The following ATP8B3 variants were observed in gnomAD, a reference collection of about 807,000 sequenced individuals.
ATP8B3 encodes the protein ATPase phospholipid transporting 8B3, also known as phospholipid-transporting ATPase IK.
Under a neutral mutation model 140.9 loss-of-function variants are expected in ATP8B3, and 141 were observed. The ratio of observed to expected loss-of-function variants is 1.00; its 90% CI spans 0.87 to 1.15. ATP8B3 has a LOEUF of 1.15. ATP8B3 is among the 50% of genes most tolerant of loss of function. The pLI is 0.00. For synonymous variants in ATP8B3, 765 were observed against 714.6 expected (o/e 1.07, Z -1.13); for missense variants, 1,874 against 1,740.6 (o/e 1.08, Z -1.36).
At chr19:1,790,631 C>G in intron 21 of ATP8B3, 126 bp downstream of exon 21, 1 of 669,596 alleles carries the variant, frequency 1.5e-6, no homozygotes, top group South Asian at 1.9e-5. Flanking sequence ...CTACCCTTCC[C>G]TCCCCTCTCA....
At chr19:1,811,275 G>T (rs147679863) in intron 2 of ATP8B3, among the ~76,000 whole-genome samples, 28 of 152,246 alleles carry the variant, frequency 1.8e-4, no homozygotes, top group Non-Finnish European at 2.9e-5. Flanking sequence ...GACGGACATC[G>T]TCAGAAGATC....
rs769539873 is a variant in ATP8B3 at position 1,789,491 on chromosome 19, C to T, written c.2715G>A (p.Lys905=). The T allele has an allele frequency of 2.1e-5, 33 of 1,598,110 alleles. No homozygotes were observed. The highest frequency in any genetic ancestry group is 2.7e-5 in the Non-Finnish European group (32 of 1,179,230). ...CGCGGCAGCAGATGACCGCCTGGCA[C>T]TTGGACGCCAGGTCCACGAAGGCGC... The part of the protein sequence containing the change: ...QERAFVDLAS[K]CQAVICCRVT... Residue 905 remains lysine (K), a synonymous_variant, in exon 23 of 29, where the codon AAG becomes AAA. Transcript: ENST00000310127.
chr19:1,810,679 T>C lies in ATP8B3; in HGVS notation c.253A>G (p.Thr85Ala), dbSNP rs749496100. The change falls in exon 3 of 29, where the codon ACC becomes GCC. Residue 85 changes from threonine to alanine, a missense_variant. By Grantham distance (58) the Thr-to-Ala change is moderately conservative. Transcript: ENST00000310127. ...CTCTGGCCGAGGCTGCCCATGCTGG[T>C]GGGGCTGTGGGAGAGAAGGGCCCCG... is the stretch of plus-strand genomic sequence containing the variant. ...RKYEWRPEGPTSMGSLGQRED... is the reference protein window; with the variant it reads ...RKYEWRPEGPASMGSLGQRED... 6.2e-7 allele frequency: 1 copy of C among 1,612,100 alleles called. No homozygotes were observed. The highest frequency in any genetic ancestry group is 8.5e-7 in the Non-Finnish European group (1 of 1,179,430).
At position 1,805,776 on chromosome 19, in the gene ATP8B3, CA is replaced by C. The variant is rs2068992824; in HGVS notation, c.821+111del. 1 of 1,358,178 alleles carries C rather than the reference CA, an allele frequency of 7.4e-7. No homozygotes were observed. The highest frequency in any genetic ancestry group is 1.4e-5 in the African/African-American group (1 of 69,324). 84.1% of individuals were successfully genotyped at this position (1,358,178 alleles called of 1,614,324 possible). Reference sequence around the variant, plus strand: ...CCCAGACACTCATGGGGTGAGTGACCAAAGTCTCTGAGCGACCTTGGCTGGC... The same window carrying C: ...CCCAGACACTCATGGGGTGAGTGACCAAGTCTCTGAGCGACCTTGGCTGGC... On this transcript the variant is annotated intron_variant, in intron 9 of 28. Coordinates refer to ENST00000310127, the MANE Select transcript of ATP8B3 (RefSeq NM_138813.4). The surrounding 1 kb of genome is among the most constrained non-coding windows in gnomAD (Gnocchi z 5.2).
chr19:1,801,414 G>A (rs1163298445), intron 12 of ATP8B3, among the ~76,000 whole-genome samples: 2 of 152,124 alleles, frequency 1.3e-5, no homozygotes, highest in Non-Finnish European at 2.9e-5. Context: ...GCCCCAGAAC[G>A]TGCTGGGATT....
At chr19:1,803,726 G>A (rs771415152) in intron 10 of ATP8B3, among the ~76,000 whole-genome samples, 22 of 151,978 alleles carry the variant, frequency 1.4e-4, no homozygotes, top group Admixed American at 3.3e-4. Flanking sequence ...GTGAAACCCC[G>A]TCTCTACTGA....
In ATP8B3 at chr19:1,800,267, C is replaced by A. The variant is rs932168330; in HGVS notation, c.1335G>T (p.Met445Ile). The change falls in exon 13 of 29, where the codon ATG (methionine) becomes ATT (isoleucine). Residue 445 changes from methionine (M) to isoleucine (I), a missense_variant. Met to Ile is a conservative substitution (Grantham distance 10). Coordinates refer to ENST00000310127, the MANE Select transcript of ATP8B3 (RefSeq NM_138813.4). This position sits in a 1 kb window ranked among gnomAD's most constrained non-coding sequence, Gnocchi z 4.4. ...AGCCGGCGGAGACTCACAGGATGAA[C>A]ATGGACATCGGGATGGTGACGCTGA... is the stretch of plus-strand genomic sequence containing the variant. ...ILLSVTIPMS[M>I]FILSEFIYLG... 6.2e-7 allele frequency: 1 copy of A among 1,611,572 alleles called. No individual in the cohort carries two copies. The highest frequency in any genetic ancestry group is 1.1e-5 in the South Asian group (1 of 91,074).
chr19:1,809,644 T>C lies in ATP8B3; in HGVS notation c.401A>G (p.Lys134Arg). Reference protein sequence around the residue: ...VILCWQRKKYKTNVIRTAKYN... With the variant: ...VILCWQRKKYRTNVIRTAKYN... ...GGAGGCGCGGGAGGGGCCGCCCACC[T>C]TGTATTTCTTCCTTTGCCAGCACAG... The change falls in exon 4 of 29, where the codon AAG (lysine) becomes AGG (arginine). Residue 134 changes from lysine to arginine, a missense_variant and splice_region_variant. Physicochemically the swap from Lys to Arg is conservative, Grantham distance 26. Transcript: ENST00000310127. 6.2e-7 allele frequency: 1 copy of C among 1,606,302 alleles called. No individual in the cohort carries two copies. The highest frequency in any genetic ancestry group is 8.5e-7 in the Non-Finnish European group (1 of 1,176,758).
chr19:1,791,789 T>C lies in ATP8B3; in HGVS notation c.2263A>G (p.Ser755Gly), dbSNP rs767440629. 3 of 1,611,934 alleles carry C rather than the reference T, an allele frequency of 1.9e-6. No homozygotes were observed. The highest frequency in any genetic ancestry group is 2.5e-6 in the Non-Finnish European group (3 of 1,179,802). The change falls in exon 20 of 29, where the codon AGC (serine) becomes GGC (glycine). Residue 755 changes from serine (S) to glycine (G), a missense_variant. By Grantham distance (56) the Ser-to-Gly change is moderately conservative (BLOSUM62 0). Transcript: ENST00000310127. ...GTGAGCACCCATATTTTGATGTTGCTCTTCTTGAGACATTTGATGGTTTCA... is the reference window on the plus strand; with the variant it reads ...GTGAGCACCCATATTTTGATGTTGCCCTTCTTGAGACATTTGATGGTTTCA... ...VPETIKCLKK[S>G]NIKIWVLTGD...
At position 1,800,860 on chromosome 19, in the gene ATP8B3, G is replaced by C. The variant is rs1370078879; in HGVS notation, c.1153-411C>G. On this transcript the variant is annotated intron_variant, in intron 12 of 28. Transcript: ENST00000310127. The surrounding 1 kb of genome is among the most constrained non-coding windows in gnomAD (Gnocchi z 4.4). Reference sequence around the variant, plus strand: ...TTTTTTTTTTTTGAGACAGAGTCTCGCTCTCTCTCCCAGGCTGGAGTGCAG... The same window carrying C: ...TTTTTTTTTTTTGAGACAGAGTCTCCCTCTCTCTCCCAGGCTGGAGTGCAG... Among the ~76,000 whole-genome samples, 1 of 144,892 alleles carries C rather than the reference G, an allele frequency of 6.9e-6. No individual in the cohort carries two copies. The highest frequency in any genetic ancestry group is 1.5e-5 in the Non-Finnish European group (1 of 66,726).
In ATP8B3 at chr19:1,796,101, T is replaced by C. The variant is rs766425205; in HGVS notation, c.1918A>G (p.Thr640Ala). 1.2e-6 allele frequency: 2 copies of C among 1,612,836 alleles called. No homozygotes were observed. The highest frequency in any genetic ancestry group is 1.3e-5 in the African/African-American group (1 of 74,916). Residue 640 changes from threonine to alanine, a missense_variant, in exon 17 of 29, where the codon ACG becomes GCG. Physicochemically the swap from Thr to Ala is moderately conservative, Grantham distance 58. Coordinates refer to ENST00000310127, the MANE Select transcript of ATP8B3 (RefSeq NM_138813.4). ...CCCAGCACCGACATCCGTTTGCGCG[T>C]GCTGTTGAAGTCCATTATGGCCAGG... ...QVLAIMDFNS[T>A]RKRMSVLVRK...
At chr19:1,797,742 C>T (rs535841313) in intron 14 of ATP8B3, among the ~76,000 whole-genome samples, 2 of 151,846 alleles carry the variant, frequency 1.3e-5, no homozygotes, top group East Asian at 1.9e-4. Context: ...TCCAGTGATC[C>T]GCCCGCCTCA....
At position 1,796,234 on chromosome 19, in the gene ATP8B3, G is replaced by C; in HGVS notation, c.1785C>G (p.Asp595Glu). ...DQLLYQAASP[D>E]EGALVTAARN... ...GGGCTGCGGTGACCAGCGCCCCCTC[G>C]TCGGGGGAGGCCGCCTGGTACAACA... The change falls in exon 17 of 29, where the codon GAC becomes GAG. Residue 595 changes from aspartate to glutamate, a missense_variant. Asp to Glu is a conservative substitution (Grantham distance 45, BLOSUM62 2). Transcript: ENST00000310127. The C allele has an allele frequency of 6.2e-7, 1 of 1,612,220 alleles. No homozygotes were observed. The highest frequency in any genetic ancestry group is 8.5e-7 in the Non-Finnish European group (1 of 1,179,688).
intron 12 of ATP8B3, among the ~76,000 whole-genome samples, chr19:1,801,742 C>A (rs775583411): frequency 3.9e-5 from 6 of 152,018 alleles, no homozygotes; most frequent in Non-Finnish European, 7.4e-5. Context: ...CAGAGTGAGA[C>A]TCCATCTCTA....
intron 20 of ATP8B3, 43 bp from the exon 21 acceptor site, chr19:1,790,875 A>G (rs1457629713): frequency 1.5e-6 from 2 of 1,353,332 alleles, no homozygotes; most frequent in Non-Finnish European, 2.0e-6. Context: ...CCCGCCCCGC[A>G]CTGGCTGCCT....
rs1407243042 is a variant in ATP8B3 at position 1,796,715 on chromosome 19, G to T, written c.1749C>A (p.Arg583=). Residue 583 remains arginine, a synonymous_variant, in exon 16 of 29, where the codon CGC becomes CGA. Transcript: ENST00000310127. ...TVMVRESPRE[R]PDQLLYQAAS... is the part of the protein sequence containing the mutation. ...TGGGGAGGTGGGTGGGCGCACCTGG[G>T]CGCTCACGGGGGCTCTCCCGCACCA... 6.2e-7 allele frequency: 1 copy of T among 1,609,562 alleles called. No individual in the cohort carries two copies. Among genetic ancestry groups the T allele is most frequent in the South Asian group, 1.1e-5 (1 of 90,992 alleles).
Position 1,805,271 on chromosome 19 carries a change from G to T in ATP8B3, c.904+103C>A. On this transcript the variant is annotated intron_variant, in intron 10 of 28. Coordinates refer to ENST00000310127, the MANE Select transcript of ATP8B3 (RefSeq NM_138813.4). The surrounding 1 kb of genome is among the most constrained non-coding windows in gnomAD (Gnocchi z 5.2). Reference sequence around the variant, plus strand: ...ATTCCAGGTGTGAGCCACTGGGCCTGGCCAGCACCTTGTTTTAAAAACAGT... The same window carrying T: ...ATTCCAGGTGTGAGCCACTGGGCCTTGCCAGCACCTTGTTTTAAAAACAGT... 2 of 1,187,614 alleles carry T rather than the reference G, an allele frequency of 1.7e-6. No individual in the cohort carries two copies. Among genetic ancestry groups the T allele is most frequent in the Non-Finnish European group, 2.4e-6 (2 of 820,822 alleles). The allele number at this position is 1,187,614 out of a possible 1,614,324, so 73.6% of individuals were successfully genotyped here. A position where few individuals can be genotyped will look rare whatever the true frequency, so the allele number is the denominator to read the frequency against.
intron 24 of ATP8B3, among the ~76,000 whole-genome samples, chr19:1,787,457 G>A (rs1029431924): frequency 1.3e-5 from 2 of 152,132 alleles, no homozygotes; most frequent in East Asian, 1.9e-4. Flanking sequence ...GGCTGGGCAC[G>A]GTGGCTCACG....
At chr19:1,809,252 G>A (rs2069117146) in intron 4 of ATP8B3, among the ~76,000 whole-genome samples, 2 of 152,090 alleles carry the variant, frequency 1.3e-5, no homozygotes, top group Admixed American at 6.5e-5. Flanking sequence ...GGAGGCCGAG[G>A]TGGGTGGATC....
Sources: gnomAD v4.1 joint callset for allele counts (sites outside exome capture counted in the v4.1 genomes callset) on GRCh38, gnomAD v4.1.1 for gene constraint, Gnocchi (gnomAD v3.1) non-coding constraint, MANE v1.5 for transcripts, NCBI Gene and HGNC (gene_info 2026-07-23, HGNC 2026-07-21) for gene names.